The following ITPR2 variants were observed in gnomAD, a reference collection of about 807,000 sequenced individuals.
The protein encoded by ITPR2 is inositol 1,4,5-trisphosphate-gated calcium channel ITPR2.
ITPR2 carries 207 observed loss-of-function variants against 317.1 expected under a neutral mutation model. That is an observed-to-expected ratio of 0.65 (90% CI 0.58 to 0.73). The LOEUF (loss-of-function observed/expected upper bound fraction) is 0.73, where lower values mean the gene tolerates loss of function less well. ITPR2 is among the 30% of genes least tolerant of loss of function. The pLI, the probability that ITPR2 is intolerant of heterozygous loss-of-function variation, is 0.00. For synonymous variants in ITPR2, 1,156 were observed against 1,149.1 expected (o/e 1.01, Z -0.12); for missense variants, 2,613 against 3,284.0 (o/e 0.80, Z 4.99).
At chr12:26,620,271 C>T (rs1946462872) in intron 26 of ITPR2, among the ~76,000 whole-genome samples, 1 of 152,240 alleles carries the variant, frequency 6.6e-6, no homozygotes, top group South Asian at 2.1e-4. Context: ...GCCCACGTTC[C>T]AGTATTTTGT....
intron 2 of ITPR2, among the ~76,000 whole-genome samples, chr12:26,732,092 T>C (rs939806783): frequency 6.6e-6 from 1 of 152,232 alleles, no homozygotes; most frequent in African/African-American, 2.4e-5. Context: ...TAGAATGCTA[T>C]GAAGGCTCAG....
intron 26 of ITPR2, among the ~76,000 whole-genome samples, chr12:26,617,070 A>G (rs116112134): frequency 6.6e-6 from 1 of 152,210 alleles, no homozygotes; most frequent in African/African-American, 2.4e-5. Flanking sequence ...ATTAGTACTT[A>G]AGTTTTGAGG....
intron 37 of ITPR2, among the ~76,000 whole-genome samples, chr12:26,509,571 T>C (rs1235610681): frequency 6.6e-6 from 1 of 152,244 alleles, no homozygotes; most frequent in African/African-American, 2.4e-5. Context: ...TAGGTGCATC[T>C]GTGCAACAGA....
chr12:26,785,279 C>T (rs1435062431), intron 2 of ITPR2, among the ~76,000 whole-genome samples: 6 of 42,698 alleles, frequency 1.4e-4, no homozygotes, highest in Admixed American at 3.2e-4. Context: ...GCCCGGCCAG[C>T]CGCCCCGTCC....
At chr12:26,466,986 C>G (rs934748391) in intron 45 of ITPR2, among the ~76,000 whole-genome samples, 4 of 152,152 alleles carry the variant, frequency 2.6e-5, no homozygotes, top group African/African-American at 9.7e-5. Flanking sequence ...CAATTACAAA[C>G]CATCCTTCTG....
At chr12:26,671,299 G>A (rs1163638529) in intron 13 of ITPR2, among the ~76,000 whole-genome samples, 10 of 152,212 alleles carry the variant, frequency 6.6e-5, no homozygotes, top group Non-Finnish European at 1.5e-4. Flanking sequence ...CAGCCAGAGA[G>A]AAAGGTTGGG....
At chr12:26,799,423 A>C (rs916172705) in intron 1 of ITPR2, among the ~76,000 whole-genome samples, 1 of 152,248 alleles carries the variant, frequency 6.6e-6, no homozygotes, top group African/African-American at 2.4e-5. Context: ...TTTCCAACAT[A>C]TTAATCTTTT....
chr12:26,460,225 G>A (rs1053101743), intron 45 of ITPR2, among the ~76,000 whole-genome samples: 3 of 152,146 alleles, frequency 2.0e-5, no homozygotes, highest in Admixed American at 2.0e-4. Flanking sequence ...CTGTCTTATG[G>A]CACCCTAGCT....
intron 37 of ITPR2, among the ~76,000 whole-genome samples, chr12:26,531,254 C>A (rs895614738): frequency 6.6e-6 from 1 of 152,180 alleles, no homozygotes; most frequent in Admixed American, 6.5e-5. Context: ...CACACTACAG[C>A]ATTAAAGTGT....
At chr12:26,640,577 A>AT (rs1181218377) in intron 21 of ITPR2, among the ~76,000 whole-genome samples, 1 of 152,106 alleles carries the variant, frequency 6.6e-6, no homozygotes, top group Non-Finnish European at 1.5e-5. Context: ...TATTTTGATA[A>AT]TTTTCCCCCC....
intron 49 of ITPR2, among the ~76,000 whole-genome samples, chr12:26,424,171 TGTTA>T (rs1940975751): frequency 6.6e-6 from 1 of 152,220 alleles, no homozygotes; most frequent in Non-Finnish European, 1.5e-5. Flanking sequence ...CAGCTGCCAT[TGTTA>T]CTATCCTATC....
At chr12:26,750,153 C>T (rs764060805) in intron 2 of ITPR2, among the ~76,000 whole-genome samples, 1 of 152,142 alleles carries the variant, frequency 6.6e-6, no homozygotes, top group Non-Finnish European at 1.5e-5. Context: ...AAATATTCAC[C>T]ATGATGCTGA....
intron 2 of ITPR2, among the ~76,000 whole-genome samples, chr12:26,765,440 G>A (rs1565746536): frequency 6.6e-6 from 1 of 152,014 alleles, no homozygotes; most frequent in Non-Finnish European, 1.5e-5. Context: ...TCTAGAAAGT[G>A]TACCAATGTA....
At chr12:26,452,414 T>C (rs1591797374) in intron 45 of ITPR2, among the ~76,000 whole-genome samples, 1 of 151,990 alleles carries the variant, frequency 6.6e-6, no homozygotes. Flanking sequence ...AAATATAAAA[T>C]ATGCTCCACT....
chr12:26,810,768 T>C (rs1459512536), intron 1 of ITPR2, among the ~76,000 whole-genome samples: 1 of 152,234 alleles, frequency 6.6e-6, no homozygotes, highest in Non-Finnish European at 1.5e-5. Flanking sequence ...ACCCTTTAAC[T>C]TCCCTGAATG....
At chr12:26,410,745 C>T (rs1940521219) in intron 52 of ITPR2, among the ~76,000 whole-genome samples, 1 of 152,174 alleles carries the variant, frequency 6.6e-6, no homozygotes, top group South Asian at 2.1e-4. Flanking sequence ...AGTTTCCAGC[C>T]TGCCACATCC....
At position 26,483,752 on chromosome 12, in the gene ITPR2, G is replaced by A. The variant is rs1942596696; in HGVS notation, c.5958C>T (p.Asn1986=). The A allele has an allele frequency of 6.2e-6, 10 of 1,614,176 alleles. No individual in the cohort carries two copies. Among genetic ancestry groups the A allele is most frequent in the Non-Finnish European group, 7.6e-6 (9 of 1,180,022 alleles). ...YINEKNVALV[N]QNLESLTEYC... is the part of the protein sequence containing the mutation. ...ACTCAGTCAAGCTCTCCAGGTTCTG[G>A]TTGACCAGCGCTACATTCTTCTCAT... Residue 1986 remains asparagine (N), a synonymous_variant, in exon 42 of 57, where the codon AAC becomes AAT. Coordinates refer to ENST00000381340, the MANE Select transcript of ITPR2 (RefSeq NM_002223.4).
At position 26,403,749 on chromosome 12, in the gene ITPR2, C is replaced by A. The variant is rs565630085; in HGVS notation, c.7400-3491G>T. On this transcript the variant is annotated intron_variant, in intron 52 of 56. Transcript: ENST00000381340. ...TAGACTCTATATTAAGTAGTAGAAT[C>A]GAGTTTGCCTTGACTCATCAATGTA... is the stretch of plus-strand genomic sequence containing the variant. Among the ~76,000 whole-genome samples the A allele has an allele frequency of 5.8e-4, 89 of 152,140 alleles. 1 individual carries two copies. The highest frequency in any genetic ancestry group is 1.2e-3 in the Non-Finnish European group (80 of 68,024).
chr12:26,676,763 AT>A, intron 13 of ITPR2, among the ~76,000 whole-genome samples: 1 of 149,702 alleles, frequency 6.7e-6, no homozygotes, highest in Admixed American at 6.7e-5. Flanking sequence ...GATTAAAAAA[AT>A]AAAATAAATG....
Sources: gnomAD v4.1 joint callset for allele counts (sites outside exome capture counted in the v4.1 genomes callset) on GRCh38, gnomAD v4.1.1 for gene constraint, MANE v1.5 for transcripts, NCBI Gene and HGNC (gene_info 2026-07-23, HGNC 2026-07-21) for gene names.